The following RALGDS variants were observed in gnomAD, a reference collection of about 807,000 sequenced individuals.
RALGDS encodes the protein ral guanine nucleotide exchange factor.
Under a neutral mutation model 99.8 loss-of-function variants are expected in RALGDS, and 44 were observed. That is an observed-to-expected ratio of 0.44 (90% CI 0.35 to 0.57). RALGDS has a LOEUF of 0.57. Among genes scored for constraint, RALGDS ranks in the 20% least tolerant of loss-of-function variants. The probability of loss-of-function intolerance (pLI) is 0.01; values close to 1 mark genes in which losing one functional copy is unlikely to be tolerated. For synonymous variants in RALGDS, 529 were observed against 505.0 expected (o/e 1.05, Z -0.64); for missense variants, 1,022 against 1,203.1 (o/e 0.85, Z 2.23).
rs2119277060 is a variant in RALGDS, at chr9:133,144,551, C to T, written c.18+4412G>A. ...GACCCGAAAGCGAGACCTTTGTCTG[C>T]GGCAGCTCCGCGCCGGGCTGGGCGG... is the stretch of plus-strand genomic sequence containing the variant. On this transcript the variant is annotated intron_variant, in intron 1 of 17. Coordinates refer to the RALGDS transcript ENST00000393160. The surrounding 1 kb of genome is among the most constrained non-coding windows in gnomAD (Gnocchi z 4.5). 6.6e-6 allele frequency among the ~76,000 whole-genome samples: 1 copy of T among 152,344 alleles called. No individual in the cohort carries two copies. The highest frequency in any genetic ancestry group is 1.9e-4 in the East Asian group (1 of 5,178).
chr9:133,104,350 G>A lies in RALGDS; in HGVS notation c.1603-19C>T, dbSNP rs186427652. ...TGCCCTCCTGCCAGGGTAGAGGACA[G>A]GGTCAGCAAGGCCCTATCCCCTCAG... On this transcript the variant is annotated intron_variant, in intron 9 of 17. Transcript: ENST00000372050. The A allele has an allele frequency of 2.6e-4, 410 of 1,600,448 alleles. 7 individuals carry two copies. In the Admixed American group the frequency reaches 6.6e-3, roughly 26 times the overall value.
chr9:133,140,004 G>T (rs558340554), intron 1 of RALGDS, among the ~76,000 whole-genome samples: 8 of 152,244 alleles, frequency 5.3e-5, no homozygotes, highest in Admixed American at 4.6e-4. Context: ...ACTTCCCTGC[G>T]GCTGCTGTTC....
intron 1 of RALGDS, chr9:133,129,049 G>A (rs1354857758): frequency 7.1e-7 from 1 of 1,401,522 alleles, no homozygotes; most frequent in African/African-American, 1.4e-5. Flanking sequence ...AAGAAAGGGA[G>A]TCCTGGGAAA....
At chr9:133,102,688 G>A (rs1830816768) in intron 13 of RALGDS, 91 bp downstream of exon 13, 1 of 1,603,264 alleles carries the variant, frequency 6.2e-7, no homozygotes, top group Non-Finnish European at 8.5e-7. Flanking sequence ...CAGGGGCTGA[G>A]GCTGACCATG....
upstream of RALGDS, among the ~76,000 whole-genome samples, chr9:133,133,392 C>T (rs1463210150): frequency 1.3e-5 from 2 of 152,218 alleles, no homozygotes; most frequent in Non-Finnish European, 2.9e-5. Flanking sequence ...GCAGCAGGGC[C>T]ATGCACCCCT....
chr9:133,102,576 G>A lies in RALGDS; in HGVS notation c.1914-5C>T, dbSNP rs1830810196. The A allele has an allele frequency of 3.1e-6, 5 of 1,613,724 alleles. No homozygotes were observed. The highest frequency in any genetic ancestry group is 4.2e-6 in the Non-Finnish European group (5 of 1,179,868). ...AGCTCGCACGACAGGTTGTAGCTAT[G>A]AGCAGAGGGGCAGTGGTGTGACAAC... is the stretch of plus-strand genomic sequence containing the variant. On this transcript the variant is annotated splice_region_variant and splice_polypyrimidine_tract_variant and intron_variant, in intron 13 of 17. Transcript: ENST00000372050.
Position 133,110,324 on chromosome 9 carries a change from G to T in RALGDS, c.460C>A (p.Gln154Lys). 1 of 1,613,884 alleles carries T rather than the reference G, an allele frequency of 6.2e-7. No individual in the cohort carries two copies. Among genetic ancestry groups the T allele is most frequent in the Non-Finnish European group, 8.5e-7 (1 of 1,179,992 alleles). ...LCTYRAFTTT[Q>K]QVLDLLFKRY... ...TTGAACAGCAGGTCCAGGACCTGTT[G>T]GGTGGTGGTGAAGGCTCTATAGGTA... The change falls in exon 3 of 18, where the codon CAA becomes AAA. Residue 154 changes from glutamine (Q) to lysine (K), a missense_variant. Gln to Lys is a moderately conservative substitution (Grantham distance 53). Around this residue, in one of 3 missense-constraint regions of RALGDS, gnomAD observed 825 missense variants for 994.5 expected, o/e 0.83. Transcript: ENST00000372050.
chr9:133,129,089 A>ACCCCCC, intron 1 of RALGDS: 3 of 1,116,648 alleles, frequency 2.7e-6, no homozygotes, highest in Non-Finnish European at 3.8e-6. Context: ...CTCGGCGGTG[A>ACCCCCC]CCCACCCAGC....
At chr9:133,143,768 TAATAACAAC>T (rs1191832926) in intron 1 of RALGDS, among the ~76,000 whole-genome samples, 5 of 102,444 alleles carry the variant, frequency 4.9e-5, no homozygotes, top group African/African-American at 2.6e-4. Context: ...ATAATAATAA[TAATAACAAC>T]AACAACAACA....
intron 1 of RALGDS, among the ~76,000 whole-genome samples, chr9:133,115,949 C>A (rs1175231492): frequency 6.6e-6 from 1 of 152,388 alleles, no homozygotes; most frequent in South Asian, 2.1e-4. Context: ...AGAGCCCAGG[C>A]TCCTGCGACA....
At chr9:133,120,428 A>ACCCCCCCCCCCCCCCCCCCCCCCC (rs71378548) in intron 1 of RALGDS, among the ~76,000 whole-genome samples, 2 of 59,992 alleles carry the variant, frequency 3.3e-5, no homozygotes, top group African/African-American at 1.3e-4. Context: ...CCATCCCCCG[A>ACCCCCCCCCCCCCCCCCCCCCCCC]CCCCCCCCCC....
At position 133,107,166 on chromosome 9, in the gene RALGDS, G is replaced by A. The variant is rs1554739647; in HGVS notation, c.1332C>T (p.Val444=). The change falls in exon 7 of 18, where the codon GTC becomes GTT. Residue 444 remains valine (V), a synonymous_variant. Coordinates refer to ENST00000372050, the MANE Select transcript of RALGDS (RefSeq NM_006266.4). ...VTQFNSVANC[V]ITTCLGNRST... ...TTCGGTTCCCGAGGCAGGTGGTGATGACACAGTTGGCCACACTGTTGAACT... is the reference window on the plus strand; with the variant it reads ...TTCGGTTCCCGAGGCAGGTGGTGATAACACAGTTGGCCACACTGTTGAACT... 1 of 1,613,756 alleles carries A rather than the reference G, an allele frequency of 6.2e-7. No individual in the cohort carries two copies. The highest frequency in any genetic ancestry group is 8.5e-7 in the Non-Finnish European group (1 of 1,180,044).
intron 6 of RALGDS, 54 bp downstream of exon 6, chr9:133,107,934 C>G: frequency 6.3e-7 from 1 of 1,597,960 alleles, no homozygotes; most frequent in Non-Finnish European, 8.5e-7. Flanking sequence ...TCTGGGACAG[C>G]AGATGCTGCC....
At chr9:133,116,363 G>A (rs1478838663) in intron 1 of RALGDS, among the ~76,000 whole-genome samples, 6 of 152,274 alleles carry the variant, frequency 3.9e-5, no homozygotes, top group Non-Finnish European at 8.8e-5. Flanking sequence ...CTCAGAAAGT[G>A]GAGGCTGGGA....
intron 1 of RALGDS, among the ~76,000 whole-genome samples, chr9:133,137,990 C>T (rs1423029339): frequency 6.6e-6 from 1 of 152,210 alleles, no homozygotes; most frequent in Non-Finnish European, 1.5e-5. Flanking sequence ...CCAGGACAAA[C>T]GGGCCCTTGT....
intron 1 of RALGDS, among the ~76,000 whole-genome samples, chr9:133,115,551 C>A (rs73558452): frequency 0.067 from 10,204 of 152,260 alleles, 1,085 homozygotes; most frequent in African/African-American, 0.23. Flanking sequence ...ACAGCAGCTC[C>A]CTGTCTCTCG....
intron 1 of RALGDS, among the ~76,000 whole-genome samples, chr9:133,119,503 C>T (rs1418459557): frequency 6.6e-6 from 1 of 152,282 alleles, no homozygotes; most frequent in Non-Finnish European, 1.5e-5. Flanking sequence ...AGACAAGACC[C>T]CCAGGCAGGG....
Position 133,130,885 on chromosome 9 carries a change from C to A in RALGDS, c.132+67G>T. On this transcript the variant is annotated intron_variant, in intron 1 of 17. Coordinates refer to the RALGDS transcript ENST00000372062. ...GACCTGGGGGCCAGAACACTCAGAG[C>A]CCCAACCCCAAAGCCCAGAGATGCC... is the stretch of plus-strand genomic sequence containing the variant. 2.8e-6 allele frequency: 4 copies of A among 1,434,344 alleles called. No individual in the cohort carries two copies. In the South Asian group the frequency reaches 5.0e-5, roughly 18 times the overall value. 88.9% of individuals were successfully genotyped at this position (1,434,344 alleles called of 1,614,324 possible).
intron 12 of RALGDS, 72 bp from the exon 13 acceptor site, chr9:133,102,972 T>C (rs1830833563): frequency 3.1e-6 from 5 of 1,594,536 alleles, no homozygotes; most frequent in Non-Finnish European, 4.3e-6. Flanking sequence ...TCTGGGTCTT[T>C]GTTCTTGGGG....
Sources: gnomAD v4.1 joint callset for allele counts (sites outside exome capture counted in the v4.1 genomes callset) on GRCh38, gnomAD v4.1.1 for gene constraint, gnomAD v4.1.1 regional missense constraint, Gnocchi (gnomAD v3.1) non-coding constraint, MANE v1.5 for transcripts, NCBI Gene and HGNC (gene_info 2026-07-23, HGNC 2026-07-21) for gene names.